TENM2: variants seen among roughly 807,000 people sequenced by gnomAD.
TENM2 encodes teneurin-2.
In TENM2, 52 loss-of-function variants were observed where a neutral mutation model predicts 245.2. The observed-to-expected ratio is 0.21, with a 90% CI of 0.17 to 0.27. The LOEUF (loss-of-function observed/expected upper bound fraction) is 0.27, where lower values mean the gene tolerates loss of function less well. Ranked by LOEUF, TENM2 falls within the 10% of genes least tolerant of loss-of-function variation. The pLI is 1.00. For missense variants in TENM2, 3,046 were observed against 3,666.8 expected, an observed-to-expected ratio of 0.83 and a Z score of 4.37; for synonymous variants, 1,363 against 1,438.9, an observed-to-expected ratio of 0.95 and a Z score of 1.19.
At chr5:167,766,735 T>G (rs756160132) in intron 2 of TENM2, among the ~76,000 whole-genome samples, 1 of 151,852 alleles carries the variant, frequency 6.6e-6, no homozygotes, top group African/African-American at 2.4e-5. Context: ...AAAAATTAAC[T>G]GGGTGTTGTG....
intron 5 of TENM2, among the ~76,000 whole-genome samples, chr5:168,026,395 C>T (rs1278320745): frequency 3.3e-5 from 5 of 152,176 alleles, no homozygotes; most frequent in Admixed American, 2.0e-4. Context: ...GAAGAGATGC[C>T]GACTTATGGA....
chr5:167,446,055 A>G (rs1273430124), intron 2 of TENM2, among the ~76,000 whole-genome samples: 1 of 152,166 alleles, frequency 6.6e-6, no homozygotes, highest in East Asian at 1.9e-4. Context: ...ATGGGAGGGA[A>G]GCTACTCCAC....
intron 2 of TENM2, among the ~76,000 whole-genome samples, chr5:167,709,355 T>G (rs1758751882): frequency 6.6e-6 from 1 of 152,240 alleles, no homozygotes; most frequent in East Asian, 1.9e-4. Context: ...TGTATCTATC[T>G]TATTTGAATT....
intron 2 of TENM2, among the ~76,000 whole-genome samples, chr5:167,764,292 A>G (rs1370382933): frequency 6.6e-6 from 1 of 151,984 alleles, no homozygotes; most frequent in Non-Finnish European, 1.5e-5. Context: ...CTTTCCCCCT[A>G]CCACCCACAG....
intron 2 of TENM2, among the ~76,000 whole-genome samples, chr5:167,758,394 A>G (rs1266793058): frequency 6.6e-6 from 1 of 152,166 alleles, no homozygotes; most frequent in Non-Finnish European, 1.5e-5. Flanking sequence ...GATTGGCTCA[A>G]TGGGAAGAGA....
chr5:167,932,810 C>T (rs1416628256), intron 3 of TENM2, among the ~76,000 whole-genome samples: 1 of 152,120 alleles, frequency 6.6e-6, no homozygotes, highest in Non-Finnish European at 1.5e-5. Flanking sequence ...ATTCTTAGCT[C>T]GGCGGCTGAA....
At chr5:166,991,169 AT>A in the TENM2 span, among the ~76,000 whole-genome samples, 59,070 of 139,434 alleles carry the variant, frequency 0.42, 11,891 homozygotes, top group Non-Finnish European at 0.43. Context: ...TGGTGTTTTG[AT>A]TTTTTTTTTT....
the TENM2 span, among the ~76,000 whole-genome samples, chr5:167,238,961 G>A: frequency 1.3e-5 from 2 of 152,176 alleles, no homozygotes; most frequent in Non-Finnish European, 2.9e-5. Flanking sequence ...GCATTGAGGT[G>A]TATAAAATAT....
intron 1 of TENM2, among the ~76,000 whole-genome samples, chr5:167,298,953 GGTCTGGT>G (rs1334878125): frequency 1.3e-5 from 2 of 152,138 alleles, no homozygotes; most frequent in Non-Finnish European, 2.9e-5. Flanking sequence ...AGTCCGAGTT[GGTCTGGT>G]GTCTGGACTG....
chr5:167,101,875 A>ATATATG, the TENM2 span, among the ~76,000 whole-genome samples: 1 of 111,362 alleles, frequency 9.0e-6, no homozygotes. Context: ...ATATATATAT[A>ATATATG]TGCACTTATA....
chr5:167,893,586 CT>C (rs1250617470), intron 3 of TENM2, among the ~76,000 whole-genome samples: 1 of 148,804 alleles, frequency 6.7e-6, no homozygotes, highest in Non-Finnish European at 1.5e-5. Context: ...CTTGTATTTT[CT>C]TTTTTTCCGT....
chr5:167,303,642 G>C (rs908352309), intron 1 of TENM2, among the ~76,000 whole-genome samples: 1 of 152,168 alleles, frequency 6.6e-6, no homozygotes, highest in African/African-American at 2.4e-5. Flanking sequence ...AGGTCACAGG[G>C]GATATGATGG....
intron 20 of TENM2, 61 bp downstream of exon 22, chr5:168,211,815 C>CT: frequency 7.2e-6 from 8 of 1,113,020 alleles, no homozygotes; most frequent in Admixed American, 3.0e-5. Context: ...CTTGTGTTTG[C>CT]TTTTTTTGTT....
chr5:167,301,175 T>A (rs1307971969), intron 1 of TENM2, among the ~76,000 whole-genome samples: 1 of 152,140 alleles, frequency 6.6e-6, no homozygotes, highest in Non-Finnish European at 1.5e-5. Flanking sequence ...GCCGAGAAGA[T>A]CTGGGAAGGA....
chr5:167,872,558 GAA>G (rs1452933451), intron 2 of TENM2, among the ~76,000 whole-genome samples: 3 of 61,580 alleles, frequency 4.9e-5, no homozygotes, highest in Admixed American at 1.7e-4. Flanking sequence ...GAGAAAGAAA[GAA>G]AGAAAGAAAG....
chr5:167,251,433 T>TTTTAG, the TENM2 span, among the ~76,000 whole-genome samples: 1 of 152,162 alleles, frequency 6.6e-6, no homozygotes, highest in African/African-American at 2.4e-5. Context: ...CTTATATATC[T>TTTTAG]ATTATGCTTT....
In TENM2 at chr5:167,377,332, A is replaced by G. The variant is rs183773913; in HGVS notation, c.502+1859A>G. On this transcript the variant is annotated intron_variant, in intron 2 of 28. Transcript: ENST00000518659. ...TGATATAGTGTCCTGATTCTTTCCTACAGTACTAGTTGCAATGCAGTCAGA... is the reference window on the plus strand; with the variant it reads ...TGATATAGTGTCCTGATTCTTTCCTGCAGTACTAGTTGCAATGCAGTCAGA... Among the ~76,000 whole-genome samples, 896 of 152,206 alleles carry G rather than the reference A, an allele frequency of 5.9e-3. 8 individuals carry two copies. The highest frequency in any genetic ancestry group is 0.026 in the South Asian group (124 of 4,828).
At chr5:168,157,565 A>C (rs1469976802) in intron 12 of TENM2, among the ~76,000 whole-genome samples, 3 of 152,160 alleles carry the variant, frequency 2.0e-5, no homozygotes, top group Non-Finnish European at 4.4e-5. Context: ...GACAGATAGG[A>C]GTTCTTGCAG....
chr5:167,293,936 A>G (rs944085391), intron 1 of TENM2, among the ~76,000 whole-genome samples: 1 of 151,686 alleles, frequency 6.6e-6, no homozygotes, highest in African/African-American at 2.4e-5. Flanking sequence ...GTTCTCTATC[A>G]TGGACTAAAT....
Sources: gnomAD v4.1 joint callset for allele counts (sites outside exome capture counted in the v4.1 genomes callset) on GRCh38, gnomAD v4.1.1 for gene constraint, MANE v1.5 for transcripts, NCBI Gene and HGNC (gene_info 2026-07-23, HGNC 2026-07-21) for gene names.